SPHKAP: variants seen among roughly 807,000 people sequenced by gnomAD.
SPHKAP encodes SPHK1 interactor, AKAP domain containing.
SPHKAP carries 67 observed loss-of-function variants against 137.5 expected under a neutral mutation model. The ratio of observed to expected loss-of-function variants is 0.49; its 90% CI spans 0.40 to 0.60. SPHKAP has a LOEUF of 0.60. Among genes scored for constraint, SPHKAP ranks in the 20% least tolerant of loss-of-function variants. The probability of loss-of-function intolerance (pLI) is 0.00; values close to 1 mark genes in which losing one functional copy is unlikely to be tolerated. For synonymous variants in SPHKAP, 813 were observed against 785.3 expected (o/e 1.04, Z -0.59); for missense variants, 2,097 against 2,069.3 (o/e 1.01, Z -0.26).
intron 1 of SPHKAP, among the ~76,000 whole-genome samples, chr2:228,158,986 A>T (rs1363880359): frequency 6.6e-6 from 1 of 152,142 alleles, no homozygotes; most frequent in Non-Finnish European, 1.5e-5. Context: ...CACTGAATGG[A>T]TTCAGTCCGT....
At chr2:228,004,443 C>G (rs1418017284) in intron 7 of SPHKAP, among the ~76,000 whole-genome samples, 2 of 152,014 alleles carry the variant, frequency 1.3e-5, no homozygotes, top group Admixed American at 1.3e-4. Flanking sequence ...CTATTCGATT[C>G]TTCTCTGTTC....
Position 227,981,723 on chromosome 2 carries a change from C to T in SPHKAP, c.5097G>A (p.Leu1699=), listed in dbSNP as rs994052583. 6.2e-7 allele frequency: 1 copy of T among 1,612,704 alleles called. No homozygotes were observed. Among genetic ancestry groups the T allele is most frequent in the Admixed American group, 1.7e-5 (1 of 59,864 alleles). The change falls in exon 12 of 12, where the codon CTG becomes CTA. Residue 1699 remains leucine (L), a synonymous_variant. Transcript: ENST00000392056. ...RLSLFDWLLE[L]G The stretch of plus-strand genomic sequence containing the variant: ...TATACGGCAGACTGCCTTATTATCC[C>T]AGTTCCAAGAGCCAGTCAAAGAGAC...
chr2:228,078,001 T>C (rs537261680), intron 3 of SPHKAP, among the ~76,000 whole-genome samples: 3 of 152,224 alleles, frequency 2.0e-5, no homozygotes, highest in African/African-American at 7.2e-5. Flanking sequence ...AAATGGGAGT[T>C]TCCCTGCACA....
chr2:228,006,332 C>G (rs182930654), intron 7 of SPHKAP, among the ~76,000 whole-genome samples: 2 of 152,290 alleles, frequency 1.3e-5, no homozygotes, highest in South Asian at 4.1e-4. Flanking sequence ...TTGATCGAAT[C>G]GGCTACTGAA....
At chr2:228,167,902 G>A (rs1700466020) in intron 1 of SPHKAP, among the ~76,000 whole-genome samples, 1 of 151,884 alleles carries the variant, frequency 6.6e-6, no homozygotes, top group Admixed American at 6.6e-5. Flanking sequence ...TAATATCTGA[G>A]AAAAATACAC....
At chr2:228,127,980 C>T (rs557245486) in intron 2 of SPHKAP, among the ~76,000 whole-genome samples, 53 of 152,230 alleles carry the variant, frequency 3.5e-4, no homozygotes, top group African/African-American at 1.1e-3. Context: ...GAGCCTTCAG[C>T]GAGTTGTAAT....
Position 228,016,993 on chromosome 2 carries a change from T to C in SPHKAP, c.3861A>G (p.Lys1287=). Residue 1287 remains lysine (K), a synonymous_variant, in exon 7 of 12, where the codon AAA becomes AAG. Coordinates refer to ENST00000392056, the MANE Select transcript of SPHKAP (RefSeq NM_001142644.2). ...CTCTCCGATACAAGCAAGAGTCAGA[T>C]TTGCAGAGACCGGATGAGGACGCGC... ...VSSASSSGLC[K]SDSCLYRRGG... 6.2e-7 allele frequency: 1 copy of C among 1,614,140 alleles called. No homozygotes were observed. Among genetic ancestry groups the C allele is most frequent in the Non-Finnish European group, 8.5e-7 (1 of 1,180,032 alleles).
At chr2:228,038,377 T>G (rs1350354960) in intron 3 of SPHKAP, among the ~76,000 whole-genome samples, 4 of 152,140 alleles carry the variant, frequency 2.6e-5, no homozygotes, top group South Asian at 4.1e-4. Context: ...TATTTTTTTT[T>G]GCAGGGGCAG....
chr2:228,153,024 C>G (rs1048724790), intron 1 of SPHKAP, among the ~76,000 whole-genome samples: 1 of 152,088 alleles, frequency 6.6e-6, no homozygotes, highest in Admixed American at 6.6e-5. Context: ...AAGGGGTTTC[C>G]CCTTTCACTT....
intron 3 of SPHKAP, among the ~76,000 whole-genome samples, chr2:228,100,360 C>T (rs1698151266): frequency 6.6e-6 from 1 of 152,118 alleles, no homozygotes; most frequent in African/African-American, 2.4e-5. Flanking sequence ...GCTAGGACAT[C>T]CAGTACAATG....
chr2:228,118,114 G>A (rs1405691113), intron 2 of SPHKAP, among the ~76,000 whole-genome samples: 3 of 151,778 alleles, frequency 2.0e-5, no homozygotes, highest in Non-Finnish European at 4.4e-5. Flanking sequence ...ATAATACGTA[G>A]CCTTTTATGA....
At chr2:228,008,474 T>C (rs1694227114) in intron 7 of SPHKAP, among the ~76,000 whole-genome samples, 1 of 152,038 alleles carries the variant, frequency 6.6e-6, no homozygotes, top group Non-Finnish European at 1.5e-5. Context: ...TTTGTATTTT[T>C]AGTAGAGACA....
chr2:228,107,588 T>C (rs1044608305), intron 3 of SPHKAP, among the ~76,000 whole-genome samples: 37 of 152,284 alleles, frequency 2.4e-4, no homozygotes, highest in African/African-American at 7.7e-4. Context: ...ACCTCAACTT[T>C]AGTGAGTTCT....
intron 7 of SPHKAP, among the ~76,000 whole-genome samples, chr2:228,003,925 G>T (rs1352582194): frequency 3.3e-5 from 5 of 152,164 alleles, no homozygotes; most frequent in African/African-American, 1.2e-4. Flanking sequence ...CTTGATCATG[G>T]TGATAAGCTT....
Position 228,017,409 on chromosome 2 carries a change from C to A in SPHKAP, c.3445G>T (p.Asp1149Tyr). Residue 1149 changes from aspartate (D) to tyrosine (Y), a missense_variant, in exon 7 of 12, where the codon GAT (aspartate) becomes TAT (tyrosine). Asp to Tyr is a radical substitution (Grantham distance 160). Coordinates refer to ENST00000392056, the MANE Select transcript of SPHKAP (RefSeq NM_001142644.2). Reference protein sequence around the residue: ...NEGRGFELLLDYYAGKNASSI... With the variant: ...NEGRGFELLLYYYAGKNASSI... ...CTGGCGTTCTTGCCAGCATAGTAAT[C>A]CAGCAGTAACTCAAATCCTCTCCCT... 1 of 1,614,088 alleles carries A rather than the reference C, an allele frequency of 6.2e-7. No homozygotes were observed. The highest frequency in any genetic ancestry group is 1.1e-5 in the South Asian group (1 of 91,072).
At chr2:228,119,930 G>A (rs1201766227) in intron 2 of SPHKAP, among the ~76,000 whole-genome samples, 1 of 152,054 alleles carries the variant, frequency 6.6e-6, no homozygotes, top group Non-Finnish European at 1.5e-5. Flanking sequence ...GACATATTCT[G>A]TAATTCTATT....
chr2:228,018,121 A>G lies in SPHKAP; in HGVS notation c.2733T>C (p.Pro911=), dbSNP rs1335514050. 3 of 1,614,216 alleles carry G rather than the reference A, an allele frequency of 1.9e-6. No homozygotes were observed. The highest frequency in any genetic ancestry group is 4.5e-5 in the East Asian group (2 of 44,860). Residue 911 remains proline (P), a synonymous_variant, in exon 7 of 12, where the codon CCT becomes CCC. Transcript: ENST00000392056. ...GCTTTGTTTGAAGCGTGGATTGAGC[A>G]GGAAGCAGCAGGTCATCCCCTAACA... ...LSLLGDDLLL[P]AQSTLQTKHP... is the part of the protein sequence containing the mutation.
intron 2 of SPHKAP, among the ~76,000 whole-genome samples, chr2:228,113,714 G>C (rs1179896251): frequency 6.7e-6 from 1 of 149,128 alleles, no homozygotes; most frequent in Non-Finnish European, 1.5e-5. Flanking sequence ...GTGTAGTTAA[G>C]TCCACTAGCT....
chr2:228,178,922 CA>C (rs1249457364), intron 1 of SPHKAP, among the ~76,000 whole-genome samples: 1 of 150,208 alleles, frequency 6.7e-6, no homozygotes, highest in Non-Finnish European at 1.5e-5. Context: ...TCAAAGAACC[CA>C]AAACATTTCC....
Sources: gnomAD v4.1 joint callset for allele counts (sites outside exome capture counted in the v4.1 genomes callset) on GRCh38, gnomAD v4.1.1 for gene constraint, MANE v1.5 for transcripts, NCBI Gene and HGNC (gene_info 2026-07-23, HGNC 2026-07-21) for gene names.